Variants in SLIT3 observed in about 807,000 individuals in gnomAD.
SLIT3 encodes the protein slit guidance ligand 3, also known as slit homolog 3 protein.
Under a neutral mutation model 184.0 loss-of-function variants are expected in SLIT3, and 68 were observed. That is an observed-to-expected ratio of 0.37 (90% CI 0.30 to 0.45). The LOEUF (loss-of-function observed/expected upper bound fraction) is 0.45. Ranked by LOEUF, SLIT3 falls within the 20% of genes least tolerant of loss-of-function variation. The pLI is 1.00. For missense variants in SLIT3, 1,707 were observed against 2,026.0 expected (o/e 0.84, Z 3.02); for synonymous variants, 831 against 828.6 (o/e 1.00, Z -0.05).
intron 4 of SLIT3, among the ~76,000 whole-genome samples, chr5:169,123,645 T>G (rs1760968505): frequency 1.3e-5 from 2 of 152,144 alleles, no homozygotes; most frequent in Admixed American, 6.5e-5. Flanking sequence ...GTGGAAATCT[T>G]AAACAAATGA....
chr5:168,692,239 G>T (rs1761928597), intron 29 of SLIT3, among the ~76,000 whole-genome samples: 1 of 152,228 alleles, frequency 6.6e-6, no homozygotes, highest in Non-Finnish European at 1.5e-5. Flanking sequence ...TGCTTCCCCA[G>T]TGGAATTGCT....
At chr5:169,172,024 C>T (rs1034934792) in intron 4 of SLIT3, among the ~76,000 whole-genome samples, 2 of 152,136 alleles carry the variant, frequency 1.3e-5, no homozygotes, top group South Asian at 4.1e-4. Flanking sequence ...TTTCTTCTAG[C>T]AAATCAGAGG....
At chr5:169,211,424 G>A (rs1028069451) in intron 3 of SLIT3, among the ~76,000 whole-genome samples, 1 of 152,132 alleles carries the variant, frequency 6.6e-6, no homozygotes, top group African/African-American at 2.4e-5. Flanking sequence ...ATCACTCAGA[G>A]TAAAAGTCTA....
chr5:168,813,722 G>A (rs1757240799), intron 8 of SLIT3, among the ~76,000 whole-genome samples: 2 of 152,326 alleles, frequency 1.3e-5, no homozygotes, highest in East Asian at 1.9e-4. Context: ...CATATCCAGG[G>A]CTTCTGGGGA....
chr5:169,106,051 G>C (rs191989703), intron 4 of SLIT3, among the ~76,000 whole-genome samples: 39 of 145,782 alleles, frequency 2.7e-4, no homozygotes, highest in Middle Eastern at 3.5e-3. Context: ...GAGCCTGTTG[G>C]GGGGGCAGGG....
chr5:169,293,230 G>C (rs1429621128), intron 1 of SLIT3, among the ~76,000 whole-genome samples: 1 of 152,116 alleles, frequency 6.6e-6, no homozygotes, highest in Non-Finnish European at 1.5e-5. Context: ...CAATCAATGA[G>C]AGATAAGTCC....
At chr5:169,183,042 G>C (rs1763219922) in intron 4 of SLIT3, among the ~76,000 whole-genome samples, 1 of 152,184 alleles carries the variant, frequency 6.6e-6, no homozygotes. Context: ...GAAAGAGCGA[G>C]GTGGCAAGAA....
chr5:169,125,047 T>G (rs551802677), intron 4 of SLIT3, among the ~76,000 whole-genome samples: 3 of 152,124 alleles, frequency 2.0e-5, no homozygotes, highest in Non-Finnish European at 4.4e-5. Context: ...TTTGTTTTTG[T>G]TTTTTGTTTT....
intron 6 of SLIT3, among the ~76,000 whole-genome samples, chr5:168,841,553 T>G (rs1758250596): frequency 6.6e-6 from 1 of 152,142 alleles, no homozygotes; most frequent in Non-Finnish European, 1.5e-5. Context: ...GAGGTTGAAG[T>G]GGGCAGATTT....
chr5:168,818,796 G>T (rs1757425626), intron 7 of SLIT3, among the ~76,000 whole-genome samples: 1 of 152,210 alleles, frequency 6.6e-6, no homozygotes. Flanking sequence ...GCTACCTCCT[G>T]CTGGATGCCA....
rs185548085 is a variant in SLIT3 at position 169,139,363 on chromosome 5, C to G, written c.413+54116G>C. Among the ~76,000 whole-genome samples, 5 of 152,320 alleles carry G rather than the reference C, an allele frequency of 3.3e-5. No individual in the cohort carries two copies. The East Asian group carries it at 9.6e-4, about 29-fold the overall frequency. On this transcript the variant is annotated intron_variant, in intron 4 of 35. Transcript: ENST00000519560. ...TGGAATATTTATTGAGAATTTACTA[C>G]GCATCAAGTTTTTGCAAACTACTTT... is the stretch of plus-strand genomic sequence containing the variant.
intron 29 of SLIT3, among the ~76,000 whole-genome samples, chr5:168,691,132 C>A (rs760155922): frequency 9.9e-5 from 15 of 152,182 alleles, no homozygotes; most frequent in Non-Finnish European, 1.9e-4. Context: ...GTCAAATCTT[C>A]TTCCCCTAGG....
chr5:169,112,651 T>G (rs2113263958), intron 4 of SLIT3, among the ~76,000 whole-genome samples: 1 of 152,184 alleles, frequency 6.6e-6, no homozygotes, highest in South Asian at 2.1e-4. Flanking sequence ...TCTACCCTTC[T>G]CTGAGCCCTG....
intron 4 of SLIT3, among the ~76,000 whole-genome samples, chr5:169,175,824 C>A (rs1762965784): frequency 6.6e-6 from 1 of 152,180 alleles, no homozygotes; most frequent in Non-Finnish European, 1.5e-5. Context: ...TGGCCCCAGG[C>A]TACCCCAAAG....
intron 29 of SLIT3, 67 bp downstream of exon 29, chr5:168,692,540 A>G: frequency 9.2e-7 from 1 of 1,084,514 alleles, no homozygotes. Context: ...GAGACTGCCT[A>G]AAACCTAGAC....
intron 4 of SLIT3, among the ~76,000 whole-genome samples, chr5:169,175,490 T>C (rs1762955047): frequency 6.6e-6 from 1 of 152,146 alleles, no homozygotes; most frequent in African/African-American, 2.4e-5. Flanking sequence ...TAAAATGAAA[T>C]GGTAATACCC....
At chr5:168,774,046 G>A (rs75961652) in intron 13 of SLIT3, among the ~76,000 whole-genome samples, 189 bp downstream of exon 13, 3,226 of 152,272 alleles carry the variant, frequency 0.021, 89 homozygotes, top group African/African-American at 0.066. Flanking sequence ...TACTCCATGT[G>A]GTGTCAAGCA....
chr5:168,756,606 G>A (rs141073790), intron 16 of SLIT3, among the ~76,000 whole-genome samples: 4 of 152,248 alleles, frequency 2.6e-5, no homozygotes, highest in South Asian at 2.1e-4. Flanking sequence ...AAACTTGGCC[G>A]GTTTTCTTAT....
intron 4 of SLIT3, among the ~76,000 whole-genome samples, chr5:169,171,285 A>G (rs1488119098): frequency 2.0e-5 from 3 of 152,186 alleles, no homozygotes; most frequent in Non-Finnish European, 4.4e-5. Flanking sequence ...CCAGTTTAGA[A>G]CCCTCACTCT....
Sources: allele counts gnomAD v4.1 joint callset (sites outside exome capture counted in the v4.1 genomes callset), GRCh38; gene constraint gnomAD v4.1.1; transcripts MANE v1.5; gene names NCBI Gene and HGNC (gene_info 2026-07-23, HGNC 2026-07-21).